DPP6: variants seen among roughly 807,000 people sequenced by gnomAD.
DPP6 encodes the protein dipeptidyl peptidase like 6.
A neutral mutation model predicts 122.6 loss-of-function variants in DPP6; 69 were observed. That is an observed-to-expected ratio of 0.56 (90% CI 0.46 to 0.69). The LOEUF (loss-of-function observed/expected upper bound fraction) is 0.69, where lower values mean the gene tolerates loss of function less well. Ranked by LOEUF, DPP6 falls within the 30% of genes least tolerant of loss-of-function variation. The pLI is 0.00. For synonymous variants in DPP6, 418 were observed against 433.1 expected (o/e 0.97, Z 0.43); for missense variants, 928 against 1,116.9 (o/e 0.83, Z 2.41).
At chr7:154,669,106 T>C (rs1173536588) in intron 6 of DPP6, among the ~76,000 whole-genome samples, 1 of 152,242 alleles carries the variant, frequency 6.6e-6, no homozygotes, top group African/African-American at 2.4e-5. Context: ...GCATGTCCTC[T>C]CTTAATGAGT....
chr7:154,674,225 T>A (rs999729715), intron 7 of DPP6, among the ~76,000 whole-genome samples: 1 of 152,124 alleles, frequency 6.6e-6, no homozygotes, highest in African/African-American at 2.4e-5. Flanking sequence ...CCCCCGACCA[T>A]GTGTTTGTCT....
intron 1 of DPP6, among the ~76,000 whole-genome samples, chr7:154,212,870 G>T (rs1162149873): frequency 2.0e-5 from 3 of 152,184 alleles, no homozygotes; most frequent in Non-Finnish European, 4.4e-5. Context: ...TCGGGCCTCA[G>T]AGCAGGCAGG....
chr7:154,887,549 A>C, intron 22 of DPP6, 127 bp from the exon 23 acceptor site: 1 of 883,514 alleles, frequency 1.1e-6, no homozygotes, highest in South Asian at 1.4e-5. Flanking sequence ...CTGCCACACA[A>C]GTGGCAAGTG....
intron 6 of DPP6, among the ~76,000 whole-genome samples, chr7:154,660,110 G>T (rs1837524439): frequency 6.6e-6 from 1 of 152,220 alleles, no homozygotes; most frequent in Non-Finnish European, 1.5e-5. Context: ...TATGGAAGAA[G>T]TAAAGGACTC....
At chr7:154,031,353 C>T (rs529928134) in intron 1 of DPP6, among the ~76,000 whole-genome samples, 13 of 149,908 alleles carry the variant, frequency 8.7e-5, no homozygotes, top group South Asian at 2.1e-4. Context: ...GGTTTCTTAA[C>T]GTGGGGTCCC....
chr7:154,782,134 G>A (rs1056467517), intron 10 of DPP6, among the ~76,000 whole-genome samples: 9 of 152,106 alleles, frequency 5.9e-5, no homozygotes, highest in South Asian at 2.1e-4. Context: ...TCTCTGCACC[G>A]TCCGCACCTA....
intron 1 of DPP6, among the ~76,000 whole-genome samples, chr7:154,164,710 G>T (rs1445487881): frequency 6.6e-6 from 1 of 152,106 alleles, no homozygotes; most frequent in Non-Finnish European, 1.5e-5. Context: ...TCATATAAAT[G>T]GAGTCATTTG....
chr7:154,450,884 T>G (rs1820303089), intron 2 of DPP6, among the ~76,000 whole-genome samples: 1 of 152,198 alleles, frequency 6.6e-6, no homozygotes, highest in Non-Finnish European at 1.5e-5. Context: ...GCCTCTACTT[T>G]TCTTTGAGCA....
intron 1 of DPP6, among the ~76,000 whole-genome samples, chr7:153,970,832 C>G (rs1795983263): frequency 6.6e-6 from 1 of 152,128 alleles, no homozygotes; most frequent in African/African-American, 2.4e-5. Context: ...GGACTCTATT[C>G]TGTTCCATTG....
chr7:154,109,743 A>AT (rs1297268946), intron 1 of DPP6, among the ~76,000 whole-genome samples: 1 of 148,534 alleles, frequency 6.7e-6, no homozygotes, highest in Non-Finnish European at 1.5e-5. Context: ...TGTGAGTTGC[A>AT]TAATAGTCCA....
intron 1 of DPP6, among the ~76,000 whole-genome samples, chr7:154,440,465 G>A (rs891057232): frequency 6.6e-6 from 1 of 152,164 alleles, no homozygotes; most frequent in Non-Finnish European, 1.5e-5. Flanking sequence ...TTTATTGGAC[G>A]ATGAGTTAGG....
At chr7:154,406,477 A>G (rs1383180544) in intron 1 of DPP6, among the ~76,000 whole-genome samples, 1 of 148,492 alleles carries the variant, frequency 6.7e-6, no homozygotes, top group Non-Finnish European at 1.5e-5. Flanking sequence ...ACGCACACGC[A>G]TACACACACA....
At chr7:154,485,683 G>A (rs1453083553) in intron 3 of DPP6, among the ~76,000 whole-genome samples, 3 of 152,200 alleles carry the variant, frequency 2.0e-5, no homozygotes, top group African/African-American at 7.2e-5. Context: ...ATCATTTAGC[G>A]CCAGCAGCAG....
rs5888579 is a variant in DPP6 at position 154,605,022 on chromosome 7, C to CT, written c.628-32787dup. Among the ~76,000 whole-genome samples the CT allele has an allele frequency of 1.1e-4, 12 of 109,180 alleles. 2 individuals carry two copies. Among genetic ancestry groups the CT allele is most frequent in the African/African-American group, 3.4e-4 (12 of 34,950 alleles). The allele number at this position is 109,180 out of a possible 152,430, so 71.6% of individuals were successfully genotyped here. A position where few individuals can be genotyped will look rare whatever the true frequency, so the allele number is the denominator to read the frequency against. Reference sequence around the variant, plus strand: ...GTGTTTTCTGTATGCTTTGGTATCTCTTTTTTTTTTTTGAGAAGATTAATA... The same window carrying CT: ...GTGTTTTCTGTATGCTTTGGTATCTCTTTTTTTTTTTTTGAGAAGATTAATA... On this transcript the variant is annotated intron_variant, in intron 5 of 25. Coordinates refer to ENST00000377770, the MANE Select transcript of DPP6 (RefSeq NM_130797.4).
the DPP6 span, among the ~76,000 whole-genome samples, chr7:153,756,129 A>G: frequency 6.6e-6 from 1 of 151,896 alleles, no homozygotes; most frequent in Non-Finnish European, 1.5e-5. Flanking sequence ...TTGGACTTGA[A>G]TCAGACCCTC....
intron 1 of DPP6, among the ~76,000 whole-genome samples, chr7:154,412,744 C>T (rs1309096984): frequency 6.6e-6 from 1 of 152,132 alleles, no homozygotes; most frequent in Non-Finnish European, 1.5e-5. Flanking sequence ...GCCGCCCAAT[C>T]CGAGTGACTT....
At chr7:154,665,320 T>C (rs1563079108) in intron 6 of DPP6, among the ~76,000 whole-genome samples, 1 of 152,166 alleles carries the variant, frequency 6.6e-6, no homozygotes, top group Non-Finnish European at 1.5e-5. Context: ...AATTTGATGA[T>C]TTGATTTATT....
At chr7:153,809,036 T>G in the DPP6 span, among the ~76,000 whole-genome samples, 64 of 152,168 alleles carry the variant, frequency 4.2e-4, no homozygotes, top group Non-Finnish European at 6.5e-4. Context: ...TTTTCCCTTT[T>G]CTTCACGTCC....
At chr7:153,773,116 C>T in the DPP6 span, among the ~76,000 whole-genome samples, 1 of 148,092 alleles carries the variant, frequency 6.8e-6, no homozygotes, top group Non-Finnish European at 1.5e-5. Context: ...CGAGGAATTT[C>T]TCCAGGGAGG....
Sources: allele counts gnomAD v4.1 joint callset (sites outside exome capture counted in the v4.1 genomes callset), GRCh38; gene constraint gnomAD v4.1.1; transcripts MANE v1.5; gene names NCBI Gene and HGNC (gene_info 2026-07-23, HGNC 2026-07-21).